The following GPC5 variants were observed in gnomAD, a reference collection of about 807,000 sequenced individuals.
GPC5 encodes the protein glypican 5.
GPC5 carries 47 observed loss-of-function variants against 53.9 expected under a neutral mutation model. The ratio of observed to expected loss-of-function variants is 0.87; its 90% CI spans 0.69 to 1.11. GPC5 has a LOEUF of 1.11. Ranked by LOEUF, GPC5 falls within the 50% of genes most tolerant of loss-of-function variation. The pLI is 0.00. For synonymous variants in GPC5, 286 were observed against 263.3 expected (o/e 1.09, Z -0.84); for missense variants, 748 against 713.1 (o/e 1.05, Z -0.56).
At chr13:92,223,354 G>A (rs1162207841) in intron 7 of GPC5, among the ~76,000 whole-genome samples, 1 of 152,012 alleles carries the variant, frequency 6.6e-6, no homozygotes, top group Non-Finnish European at 1.5e-5. Flanking sequence ...ATTTAACATC[G>A]GGTTCAACCA....
rs1359629153 is a variant in GPC5, at chr13:92,500,946, C to A, written c.1561+355957C>A. 6.4e-4 allele frequency among the ~76,000 whole-genome samples: 98 copies of A among 152,148 alleles called. 3 individuals carry two copies. The highest frequency in any genetic ancestry group is 1.0e-4 in the Non-Finnish European group (7 of 68,000). On this transcript the variant is annotated intron_variant, in intron 7 of 7. Transcript: ENST00000377067. ...AGAGGGAGAGCTAAGGAAACCTAGT[C>A]AAATCTAGTGGCTTGACCCCTACCC...
chr13:92,679,728 A>G (rs948997256), intron 7 of GPC5, among the ~76,000 whole-genome samples: 1 of 152,108 alleles, frequency 6.6e-6, no homozygotes, highest in Non-Finnish European at 1.5e-5. Context: ...AGCAAATGCT[A>G]TGAAGTCTAA....
intron 5 of GPC5, among the ~76,000 whole-genome samples, chr13:91,774,537 C>A (rs915587099): frequency 1.3e-5 from 2 of 152,090 alleles, no homozygotes; most frequent in African/African-American, 4.8e-5. Context: ...GGAGAAGCAG[C>A]CGGAAATCAG....
Position 91,572,076 on chromosome 13 carries a change from CATAT to C in GPC5, c.326-121110_326-121107del, listed in dbSNP as rs1190115336. On this transcript the variant is annotated intron_variant, in intron 2 of 7. Transcript: ENST00000377067. ...ATGTATATATACATGTATATACACA[CATAT>C]GTATATGTACATGTGTGTGTATATA... Among the ~76,000 whole-genome samples, 156 of 134,648 alleles carry C rather than the reference CATAT, an allele frequency of 1.2e-3. 14 individuals carry two copies. The highest frequency in any genetic ancestry group is 4.3e-3 in the African/African-American group (134 of 30,912). The allele number at this position is 134,648 out of a possible 152,430, so 88.3% of individuals were successfully genotyped here.
chr13:92,609,937 A>G (rs1465958047), intron 7 of GPC5, among the ~76,000 whole-genome samples: 3 of 146,924 alleles, frequency 2.0e-5, no homozygotes, highest in African/African-American at 7.4e-5. Flanking sequence ...AGGCTGAGGC[A>G]GGAGAATAGC....
chr13:91,517,583 G>C (rs569804339), intron 2 of GPC5, among the ~76,000 whole-genome samples: 1 of 152,218 alleles, frequency 6.6e-6, no homozygotes, highest in South Asian at 2.1e-4. Flanking sequence ...GCCCTCCAAA[G>C]TGTTTCAATT....
intron 7 of GPC5, among the ~76,000 whole-genome samples, chr13:92,746,781 T>C (rs556269555): frequency 6.6e-6 from 1 of 152,204 alleles, no homozygotes; most frequent in South Asian, 2.1e-4. Context: ...CTCTCACAAA[T>C]AGAAGGATTT....
intron 2 of GPC5, among the ~76,000 whole-genome samples, chr13:91,497,364 A>T (rs1566451066): frequency 6.6e-6 from 1 of 152,162 alleles, no homozygotes; most frequent in Non-Finnish European, 1.5e-5. Flanking sequence ...TCATCAAATT[A>T]ATCTGGACTA....
chr13:91,537,170 A>G (rs1486609849), intron 2 of GPC5, among the ~76,000 whole-genome samples: 2 of 152,198 alleles, frequency 1.3e-5, no homozygotes, highest in African/African-American at 4.8e-5. Context: ...CAAAATGTAC[A>G]GAAGAAAAGA....
At chr13:92,314,056 A>G (rs982100644) in intron 7 of GPC5, among the ~76,000 whole-genome samples, 1 of 152,206 alleles carries the variant, frequency 6.6e-6, no homozygotes, top group African/African-American at 2.4e-5. Flanking sequence ...GAAATAATGG[A>G]GGTTCACAGA....
chr13:92,039,625 T>C (rs951745769), intron 6 of GPC5, among the ~76,000 whole-genome samples: 1 of 152,214 alleles, frequency 6.6e-6, no homozygotes, highest in Non-Finnish European at 1.5e-5. Flanking sequence ...GTCGCTTAAA[T>C]AATACAAATT....
intron 5 of GPC5, among the ~76,000 whole-genome samples, chr13:91,838,569 G>T (rs377688383): frequency 8.6e-5 from 13 of 151,960 alleles, no homozygotes; most frequent in African/African-American, 2.9e-4. Flanking sequence ...AACCCAGGGT[G>T]CACAGAAGTA....
At chr13:92,386,771 T>C (rs1462629364) in intron 7 of GPC5, among the ~76,000 whole-genome samples, 1 of 152,068 alleles carries the variant, frequency 6.6e-6, no homozygotes, top group East Asian at 1.9e-4. Context: ...ATTATTACTA[T>C]ATATCTCTCC....
intron 7 of GPC5, among the ~76,000 whole-genome samples, chr13:92,499,692 T>C (rs768623559): frequency 2.0e-5 from 3 of 152,180 alleles, no homozygotes. Flanking sequence ...TTAAACTTCA[T>C]AAAATTTTCA....
At chr13:91,773,311 A>G (rs140334235) in intron 5 of GPC5, among the ~76,000 whole-genome samples, 3 of 152,282 alleles carry the variant, frequency 2.0e-5, no homozygotes, top group Admixed American at 2.0e-4. Flanking sequence ...CTTTCATACA[A>G]ATATACATAA....
intron 2 of GPC5, among the ~76,000 whole-genome samples, chr13:91,647,332 G>A (rs1377580671): frequency 6.6e-6 from 1 of 152,128 alleles, no homozygotes. Context: ...GCTTGACCCT[G>A]TTATTAAACC....
chr13:92,184,911 G>A (rs1479728253), intron 7 of GPC5, among the ~76,000 whole-genome samples: 5 of 152,098 alleles, frequency 3.3e-5, no homozygotes, highest in African/African-American at 1.2e-4. Flanking sequence ...AATGTGCCAG[G>A]GTTGGGCAAA....
rs957004407 is a variant in GPC5, at chr13:91,398,745, T to G, written c.-302T>G. 5.7e-6 allele frequency: 2 copies of G among 350,134 alleles called. No individual in the cohort carries two copies. Among genetic ancestry groups the G allele is most frequent in the Non-Finnish European group, 1.0e-5 (2 of 193,836 alleles). The allele number at this position is 350,134 out of a possible 1,614,324, so 21.7% of individuals were successfully genotyped here. A position where few individuals can be genotyped will look rare whatever the true frequency, so the allele number is the denominator to read the frequency against. On this transcript the variant is annotated 5_prime_UTR_variant, in exon 1 of 8. Transcript: ENST00000377067. Reference sequence around the variant, plus strand: ...AGCAGTGGTGGCCAGAGCGGATGCTTGCGGGCTCCCTGCGGCTCCACTAGT... The same window carrying G: ...AGCAGTGGTGGCCAGAGCGGATGCTGGCGGGCTCCCTGCGGCTCCACTAGT...
intron 7 of GPC5, among the ~76,000 whole-genome samples, chr13:92,489,401 C>A (rs1879677100): frequency 6.6e-6 from 1 of 152,048 alleles, no homozygotes; most frequent in Admixed American, 6.6e-5. Context: ...AGAAAACAAA[C>A]CAGTAAATAC....
Sources: allele counts gnomAD v4.1 joint callset (sites outside exome capture counted in the v4.1 genomes callset), GRCh38; gene constraint gnomAD v4.1.1; transcripts MANE v1.5; gene names NCBI Gene and HGNC (gene_info 2026-07-23, HGNC 2026-07-21).